The following CC2D2A variants were observed in gnomAD, a reference collection of about 807,000 sequenced individuals.
The protein encoded by CC2D2A is coiled-coil and C2 domain-containing protein 2A.
A neutral mutation model predicts 212.9 loss-of-function variants in CC2D2A; 155 were observed. The observed-to-expected ratio is 0.73, with a 90% CI of 0.64 to 0.83. CC2D2A has a LOEUF of 0.83. Ranked by LOEUF, CC2D2A falls within the 40% of genes least tolerant of loss-of-function variation. CC2D2A has a pLI of 0.00. For synonymous variants in CC2D2A, 667 were observed against 686.5 expected, an observed-to-expected ratio of 0.97 and a Z score of 0.44; for missense variants, 1,856 against 1,956.2, an observed-to-expected ratio of 0.95 and a Z score of 0.97.
At chr4:15,591,376 C>T (rs960491907) in intron 33 of CC2D2A, among the ~76,000 whole-genome samples, 1 of 152,038 alleles carries the variant, frequency 6.6e-6, no homozygotes, top group South Asian at 2.1e-4. Context: ...TGCACCACCA[C>T]ACCCAGCTAA....
chr4:15,496,154 G>T (rs892735083), intron 4 of CC2D2A, among the ~76,000 whole-genome samples: 4 of 152,094 alleles, frequency 2.6e-5, no homozygotes, highest in Non-Finnish European at 5.9e-5. Context: ...TGCATAGTTT[G>T]CAAATATTTT....
intron 23 of CC2D2A, among the ~76,000 whole-genome samples, chr4:15,560,840 C>A (rs560511132): frequency 2.6e-5 from 4 of 152,300 alleles, no homozygotes; most frequent in Admixed American, 6.5e-5. Context: ...TGCATTCCAA[C>A]AAACCCCATC....
chr4:15,537,177 G>A, intron 15 of CC2D2A, 101 bp downstream of exon 15: 2 of 976,854 alleles, frequency 2.0e-6, no homozygotes, highest in Non-Finnish European at 1.5e-6. Flanking sequence ...GCAGACTAGG[G>A]TATCCTGTGG....
chr4:15,590,459 G>A (rs927705862), intron 33 of CC2D2A, among the ~76,000 whole-genome samples: 3 of 152,144 alleles, frequency 2.0e-5, no homozygotes, highest in Non-Finnish European at 2.9e-5. Context: ...AGGTTGCAAC[G>A]AGCTGAGATG....
At chr4:15,499,645 CTG>C (rs1010068211) in intron 4 of CC2D2A, among the ~76,000 whole-genome samples, 3 of 152,062 alleles carry the variant, frequency 2.0e-5, no homozygotes, top group Admixed American at 6.5e-5. Flanking sequence ...CAAGTAATAA[CTG>C]TTTTATGAAA....
intron 17 of CC2D2A, among the ~76,000 whole-genome samples, chr4:15,542,570 G>C (rs1718511201): frequency 1.3e-5 from 2 of 152,168 alleles, no homozygotes; most frequent in Admixed American, 6.5e-5. Flanking sequence ...CCTATTCCTA[G>C]TGAGTATGAC....
At chr4:15,510,744 GAA>G (rs1265764541) in intron 7 of CC2D2A, among the ~76,000 whole-genome samples, 1 of 152,170 alleles carries the variant, frequency 6.6e-6, no homozygotes, top group Admixed American at 6.5e-5. Context: ...GGAGTGCATG[GAA>G]AGACAGGAAA....
chr4:15,491,445 C>T (rs1715299107), intron 4 of CC2D2A, among the ~76,000 whole-genome samples: 2 of 152,170 alleles, frequency 1.3e-5, no homozygotes, highest in African/African-American at 4.8e-5. Flanking sequence ...CACTCTGTCA[C>T]CCAGGCTGGA....
At chr4:15,513,130 C>A (rs545835244) in intron 8 of CC2D2A, among the ~76,000 whole-genome samples, 1 of 152,204 alleles carries the variant, frequency 6.6e-6, no homozygotes, top group Non-Finnish European at 1.5e-5. Flanking sequence ...TTACCTAGAT[C>A]TACAGAAGCT....
intron 18 of CC2D2A, among the ~76,000 whole-genome samples, chr4:15,551,870 AT>A (rs1719026405): frequency 6.6e-6 from 1 of 151,844 alleles, no homozygotes; most frequent in South Asian, 2.1e-4. Context: ...CTTTATTTGC[AT>A]TATTTATTTA....
chr4:15,591,849 CT>C (rs1721122173), intron 33 of CC2D2A, among the ~76,000 whole-genome samples: 1 of 152,168 alleles, frequency 6.6e-6, no homozygotes, highest in Admixed American at 6.5e-5. Context: ...AAAACAATTA[CT>C]ATATGGTTGA....
chr4:15,585,920 A>T (rs917306120), intron 30 of CC2D2A, among the ~76,000 whole-genome samples: 16 of 152,322 alleles, frequency 1.1e-4, no homozygotes, highest in African/African-American at 3.4e-4. Flanking sequence ...AAAGAAAATT[A>T]AAAAAGACTT....
chr4:15,574,874 A>C (rs1720332609), intron 29 of CC2D2A, among the ~76,000 whole-genome samples: 1 of 152,222 alleles, frequency 6.6e-6, no homozygotes, highest in Non-Finnish European at 1.5e-5. Flanking sequence ...CAGAACTTTC[A>C]CTGGTTAGCA....
At chr4:15,505,495 C>T (rs1033981838) in intron 6 of CC2D2A, among the ~76,000 whole-genome samples, 2 of 152,080 alleles carry the variant, frequency 1.3e-5, no homozygotes, top group Admixed American at 6.5e-5. Flanking sequence ...GCCAGGTGTC[C>T]GATAGGCTCA....
chr4:15,528,036 G>A (rs576439939), intron 12 of CC2D2A, among the ~76,000 whole-genome samples: 28 of 152,282 alleles, frequency 1.8e-4, no homozygotes, highest in Non-Finnish European at 3.1e-4. Context: ...TTACCCCATC[G>A]TGTAGCACTT....
At chr4:15,587,233 A>C (rs976060944) in intron 31 of CC2D2A, among the ~76,000 whole-genome samples, 1 of 152,190 alleles carries the variant, frequency 6.6e-6, no homozygotes, top group African/African-American at 2.4e-5. Flanking sequence ...TGAGAATCTA[A>C]TGCCCCCACT....
At position 15,582,830 on chromosome 4, in the gene CC2D2A, GT is replaced by G. The variant is rs201558013; in HGVS notation, c.3975+2661del. Among the ~76,000 whole-genome samples, 345 of 152,188 alleles carry G rather than the reference GT, an allele frequency of 2.3e-3. 1 individual carries two copies. The highest frequency in any genetic ancestry group is 7.7e-3 in the African/African-American group (321 of 41,558). On this transcript the variant is annotated intron_variant, in intron 30 of 36. Coordinates refer to ENST00000424120, the MANE Select transcript of CC2D2A (RefSeq NM_001378615.1). ...AAAAAATTAAAGAAGAGGGAACTCT[GT>G]TAAAGTCATTTTATGGGCCAGCATT...
chr4:15,519,787 A>G lies in CC2D2A; in HGVS notation c.1149+3031A>G, dbSNP rs905027836. 5 of 334,342 alleles carry G rather than the reference A, an allele frequency of 1.5e-5. 1 individual carries two copies. The highest frequency in any genetic ancestry group is 3.9e-4 in the Middle Eastern group (1 of 2,548). 20.7% of individuals were successfully genotyped at this position (334,342 alleles called of 1,614,324 possible). A position where few individuals can be genotyped will look rare whatever the true frequency, so the allele number is the denominator to read the frequency against. On this transcript the variant is annotated intron_variant, in intron 11 of 36. Transcript: ENST00000424120. ...CACCATCATAAGAACGGCGCAGGAA[A>G]GACCCACCCCCATAATTCAATCACC...
At chr4:15,510,302 C>G (rs1490628080) in intron 7 of CC2D2A, 62 bp downstream of exon 7, 1 of 1,412,278 alleles carries the variant, frequency 7.1e-7, no homozygotes, top group Non-Finnish European at 9.9e-7. Flanking sequence ...TATCCAATGA[C>G]ACATGACTAC....
Sources: gnomAD v4.1 joint callset for allele counts (sites outside exome capture counted in the v4.1 genomes callset) on GRCh38, gnomAD v4.1.1 for gene constraint, MANE v1.5 for transcripts, NCBI Gene and HGNC (gene_info 2026-07-23, HGNC 2026-07-21) for gene names.